The following MAPK10 variants were observed in gnomAD, a reference collection of about 807,000 sequenced individuals.
MAPK10 encodes the protein JNK3 alpha protein kinase.
A neutral mutation model predicts 59.3 loss-of-function variants in MAPK10; 25 were observed. That is an observed-to-expected ratio of 0.42 (90% CI 0.31 to 0.59). The LOEUF is 0.59. MAPK10 is among the 20% of genes least tolerant of loss of function. MAPK10 has a pLI of 0.15. For synonymous variants in MAPK10, 190 were observed against 200.5 expected, an observed-to-expected ratio of 0.95 and a Z score of 0.44; for missense variants, 351 against 568.9, an observed-to-expected ratio of 0.62 and a Z score of 3.90.
At chr4:86,211,397 A>G (rs1459561494) in intron 2 of MAPK10, among the ~76,000 whole-genome samples, 1 of 152,120 alleles carries the variant, frequency 6.6e-6, no homozygotes, top group Non-Finnish European at 1.5e-5. Context: ...CTAATCAGAA[A>G]CTTTGGAGGG....
chr4:86,517,697 T>C (rs1756795971), intron 1 of MAPK10, among the ~76,000 whole-genome samples: 1 of 152,170 alleles, frequency 6.6e-6, no homozygotes, highest in Admixed American at 6.5e-5. Context: ...TTTCTTAGTT[T>C]TAATATTAGG....
intron 2 of MAPK10, among the ~76,000 whole-genome samples, chr4:86,229,263 AC>A (rs1241806495): frequency 1.3e-5 from 2 of 152,050 alleles, no homozygotes; most frequent in Non-Finnish European, 2.9e-5. Flanking sequence ...TACTGCCCAC[AC>A]CCCCAATACA....
chr4:86,354,703 A>T, intron 1 of MAPK10, 59 bp from the exon 2 acceptor site: 1 of 693,050 alleles, frequency 1.4e-6, no homozygotes, highest in Non-Finnish European at 2.0e-6. Context: ...TTGTATTTAG[A>T]AAACCAAAAA....
intron 2 of MAPK10, among the ~76,000 whole-genome samples, chr4:86,339,962 T>C (rs1723913553): frequency 1.3e-5 from 2 of 152,194 alleles, no homozygotes; most frequent in African/African-American, 4.8e-5. Flanking sequence ...AAACAGAGGC[T>C]CAGAAATGTG....
At chr4:86,051,794 G>A (rs1455383935) in intron 11 of MAPK10, among the ~76,000 whole-genome samples, 4 of 151,858 alleles carry the variant, frequency 2.6e-5, no homozygotes, top group Admixed American at 1.3e-4. Flanking sequence ...TCATTTGATC[G>A]TCTCAACTTT....
At chr4:86,127,547 C>T (rs1308967981) in intron 4 of MAPK10, 1 of 151,888 alleles carries the variant, frequency 6.6e-6, no homozygotes, top group African/African-American at 2.4e-5. Context: ...TATGAAATCT[C>T]ATTTCCCCAT....
chr4:86,281,778 C>T (rs932616243), intron 2 of MAPK10, among the ~76,000 whole-genome samples: 1 of 151,722 alleles, frequency 6.6e-6, no homozygotes, highest in Non-Finnish European at 1.5e-5. Context: ...TGACAGTAAA[C>T]AAAGGTAGAT....
intron 11 of MAPK10, among the ~76,000 whole-genome samples, chr4:86,035,988 A>T (rs562250354): frequency 1.3e-5 from 2 of 152,318 alleles, no homozygotes; most frequent in South Asian, 4.1e-4. Flanking sequence ...TGGCCAAATT[A>T]AAATTTAAAG....
At chr4:86,159,146 C>T (rs926674847) in intron 4 of MAPK10, 152 bp downstream of exon 4, 14 of 514,390 alleles carry the variant, frequency 2.7e-5, no homozygotes, top group Non-Finnish European at 4.6e-5. Flanking sequence ...AAACATAATG[C>T]TCATAATGTT....
intron 4 of MAPK10, chr4:86,117,550 T>A (rs964027569): frequency 1.3e-5 from 2 of 152,210 alleles, no homozygotes; most frequent in Non-Finnish European, 2.9e-5. Flanking sequence ...GACTCTTCTA[T>A]GTCATACCTT....
At chr4:86,322,252 G>A (rs150456997) in intron 2 of MAPK10, among the ~76,000 whole-genome samples, 115 of 152,286 alleles carry the variant, frequency 7.6e-4, no homozygotes, top group Non-Finnish European at 1.4e-3. Flanking sequence ...ATTTGCATTT[G>A]TTTGTCCTTG....
chr4:86,237,064 C>G (rs190862419), intron 2 of MAPK10, among the ~76,000 whole-genome samples: 57 of 152,138 alleles, frequency 3.7e-4, no homozygotes, highest in South Asian at 1.7e-3. Context: ...ATGATCAGCT[C>G]CCACTTATGA....
At position 86,020,729 on chromosome 4, in the gene MAPK10, A is replaced by T. The variant is rs1416511215; in HGVS notation, c.1253-3359T>A. 3 of 153,002 alleles carry T rather than the reference A, an allele frequency of 2.0e-5. No individual in the cohort carries two copies. In the East Asian group the frequency reaches 5.7e-4, roughly 29 times the overall value. 9.5% of individuals were successfully genotyped at this position (153,002 alleles called of 1,614,324 possible). A position where few individuals can be genotyped will look rare whatever the true frequency, so the allele number is the denominator to read the frequency against. On this transcript the variant is annotated intron_variant, in intron 13 of 13. Transcript: ENST00000641462. ...CGGTGAGTGTTACAGCTCTTAAGGC[A>T]GCGAGTCTGGAGCTTTTCGTTCCTC... is the stretch of plus-strand genomic sequence containing the variant.
At chr4:86,564,385 A>G (rs1049694432) in intron 1 of MAPK10, among the ~76,000 whole-genome samples, 19 of 152,150 alleles carry the variant, frequency 1.2e-4, no homozygotes, top group African/African-American at 4.6e-4. Flanking sequence ...AAAGGACCAA[A>G]ACCATTAGTA....
At chr4:86,245,516 T>C (rs1191725132) in intron 2 of MAPK10, among the ~76,000 whole-genome samples, 1 of 152,134 alleles carries the variant, frequency 6.6e-6, no homozygotes, top group Non-Finnish European at 1.5e-5. Flanking sequence ...AAATTTTTAA[T>C]AGAGATAAGT....
chr4:86,282,519 T>C (rs374001536), intron 2 of MAPK10, among the ~76,000 whole-genome samples: 2 of 152,246 alleles, frequency 1.3e-5, no homozygotes, highest in South Asian at 2.1e-4. Context: ...TTTAAAAAAT[T>C]ATACTGCAAC....
chr4:86,341,794 A>C (rs1578551472), intron 2 of MAPK10, among the ~76,000 whole-genome samples: 2 of 147,704 alleles, frequency 1.4e-5, no homozygotes, highest in African/African-American at 5.0e-5. Context: ...ACATGATGAC[A>C]ATGGTAATAA....
chr4:86,267,382 G>C (rs984154433), intron 2 of MAPK10, among the ~76,000 whole-genome samples: 8 of 152,110 alleles, frequency 5.3e-5, no homozygotes, highest in African/African-American at 1.9e-4. Context: ...TTCATGCTCT[G>C]TGTACTCCTG....
At chr4:86,264,579 T>A (rs890248959) in intron 2 of MAPK10, among the ~76,000 whole-genome samples, 1 of 152,330 alleles carries the variant, frequency 6.6e-6, no homozygotes, top group East Asian at 1.9e-4. Context: ...AGTCTGAAGC[T>A]CCTTTGATAA....
Sources: allele counts gnomAD v4.1 joint callset (sites outside exome capture counted in the v4.1 genomes callset), GRCh38; gene constraint gnomAD v4.1.1; transcripts MANE v1.5; gene names NCBI Gene and HGNC (gene_info 2026-07-23, HGNC 2026-07-21).